Variants in TAFA1 observed in about 807,000 individuals in gnomAD.
TAFA1 encodes the protein chemokine-like protein TAFA-1.
TAFA1 carries 4 observed loss-of-function variants against 18.5 expected under a neutral mutation model. That is an observed-to-expected ratio of 0.22 (90% confidence interval 0.11 to 0.49). TAFA1 has a LOEUF of 0.49. Among genes scored for constraint, TAFA1 ranks in the 20% least tolerant of loss-of-function variants. The probability of loss-of-function intolerance (pLI) is 0.98; values close to 1 mark genes in which losing one functional copy is unlikely to be tolerated. For synonymous variants in TAFA1, 56 were observed against 55.2 expected (o/e 1.01, Z -0.06); for missense variants, 147 against 169.0 (o/e 0.87, Z 0.72).
At chr3:68,098,763 T>C (rs1049724896) in intron 2 of TAFA1, among the ~76,000 whole-genome samples, 1 of 152,122 alleles carries the variant, frequency 6.6e-6, no homozygotes, top group African/African-American at 2.4e-5. Context: ...TATACTACAA[T>C]GTTGCAGTAA....
chr3:68,078,893 C>T (rs1251663579), intron 2 of TAFA1, among the ~76,000 whole-genome samples: 2 of 152,158 alleles, frequency 1.3e-5, no homozygotes, highest in African/African-American at 2.4e-5. Context: ...ATGGTAGCAG[C>T]TCCTCCTTGT....
chr3:68,157,495 A>G (rs1429741763), intron 2 of TAFA1, among the ~76,000 whole-genome samples: 1 of 152,242 alleles, frequency 6.6e-6, no homozygotes, highest in Non-Finnish European at 1.5e-5. Context: ...GAAAAAAAAT[A>G]CAGTTTTATT....
At chr3:68,498,722 C>CTTTTTTTTTGTTTTTTTT (rs2072598987) in intron 3 of TAFA1, among the ~76,000 whole-genome samples, 2 of 97,028 alleles carry the variant, frequency 2.1e-5, no homozygotes, top group African/African-American at 9.6e-5. Flanking sequence ...CGTTTGGTGG[C>CTTTTTTTTTGTTTTTTTT]TTTTTTTTTT....
At chr3:68,417,154 G>A in intron 2 of TAFA1, 126 bp from the exon 3 acceptor site, 1 of 710,944 alleles carries the variant, frequency 1.4e-6, no homozygotes, top group Non-Finnish European at 2.4e-6. Flanking sequence ...TGTTGTAATT[G>A]TATTTCATGG....
At chr3:68,438,612 G>A (rs906463698) in intron 3 of TAFA1, among the ~76,000 whole-genome samples, 12 of 151,964 alleles carry the variant, frequency 7.9e-5, no homozygotes, top group Admixed American at 5.2e-4. Context: ...CACCTTCAAC[G>A]CACCTTTCCA....
intron 3 of TAFA1, among the ~76,000 whole-genome samples, chr3:68,466,035 G>A (rs2071879507): frequency 6.6e-6 from 1 of 152,122 alleles, no homozygotes; most frequent in Non-Finnish European, 1.5e-5. Flanking sequence ...ATCATTTGTT[G>A]AGTGTATCAG....
At chr3:68,371,724 T>G (rs1262740757) in intron 2 of TAFA1, among the ~76,000 whole-genome samples, 2 of 152,156 alleles carry the variant, frequency 1.3e-5, no homozygotes, top group Non-Finnish European at 2.9e-5. Flanking sequence ...TCACCTAAGA[T>G]AGATGTTGCA....
intron 2 of TAFA1, among the ~76,000 whole-genome samples, chr3:68,279,619 C>G (rs930794011): frequency 3.9e-5 from 6 of 152,038 alleles, no homozygotes; most frequent in African/African-American, 1.4e-4. Flanking sequence ...TCGGTATCCT[C>G]CTTCCTGAAA....
intron 2 of TAFA1, among the ~76,000 whole-genome samples, chr3:68,357,806 A>G (rs1441280488): frequency 2.0e-5 from 3 of 151,908 alleles, no homozygotes; most frequent in Non-Finnish European, 4.4e-5. Context: ...GGAGATTCCC[A>G]ATTACACCTG....
At chr3:68,015,873 G>A (rs1704560116) in intron 2 of TAFA1, among the ~76,000 whole-genome samples, 1 of 152,142 alleles carries the variant, frequency 6.6e-6, no homozygotes, top group African/African-American at 2.4e-5. Context: ...TAAATTACAT[G>A]TTAACTAGTG....
At chr3:68,349,385 T>C (rs1443781869) in intron 2 of TAFA1, among the ~76,000 whole-genome samples, 3 of 151,954 alleles carry the variant, frequency 2.0e-5, no homozygotes. Context: ...TGAAAAGGTG[T>C]TACGGAAATA....
chr3:68,175,788 T>G (rs571852753), intron 2 of TAFA1, among the ~76,000 whole-genome samples: 1 of 152,178 alleles, frequency 6.6e-6, no homozygotes, highest in South Asian at 2.1e-4. Flanking sequence ...GGCATGATTG[T>G]TTTTGAAATG....
At chr3:68,000,012 C>T (rs1704267569), upstream of TAFA1, among the ~76,000 whole-genome samples, 1 of 152,156 alleles carries the variant, frequency 6.6e-6, no homozygotes, top group Non-Finnish European at 1.5e-5. Flanking sequence ...TTGTCTTGAA[C>T]TCCTGACCTC....
At chr3:68,242,746 T>C (rs2067015917) in intron 2 of TAFA1, among the ~76,000 whole-genome samples, 1 of 152,158 alleles carries the variant, frequency 6.6e-6, no homozygotes, top group East Asian at 1.9e-4. Flanking sequence ...TGATGTAGAC[T>C]ACATAGCATA....
chr3:68,537,385 G>A (rs1334503037), intron 3 of TAFA1, among the ~76,000 whole-genome samples: 1 of 152,120 alleles, frequency 6.6e-6, no homozygotes, highest in African/African-American at 2.4e-5. Context: ...ACTTCATAAA[G>A]AATGGGGACT....
At chr3:68,262,306 GGTATAT>G (rs2067443295) in intron 2 of TAFA1, among the ~76,000 whole-genome samples, 1 of 35,670 alleles carries the variant, frequency 2.8e-5, no homozygotes, top group Non-Finnish European at 5.1e-5. Context: ...AGATATGGAG[GGTATAT>G]ATATATATAT....
chr3:68,340,933 C>A lies in TAFA1; in HGVS notation c.119-76347C>A, dbSNP rs141645146. ...ATTCAGATAAAAGAAAACAGACTTA[C>A]AGTGGAGACGTTGAGAGTAAGGGAA... On this transcript the variant is annotated intron_variant, in intron 2 of 4. Coordinates refer to ENST00000478136, the MANE Select transcript of TAFA1 (RefSeq NM_213609.4). Among the ~76,000 whole-genome samples the A allele has an allele frequency of 8.0e-4, 122 of 152,280 alleles. 2 individuals are homozygous for A. In the East Asian group the frequency reaches 0.014, roughly 18 times the overall value.
chr3:68,179,979 G>A (rs1432067759), intron 2 of TAFA1, among the ~76,000 whole-genome samples: 2 of 149,734 alleles, frequency 1.3e-5, no homozygotes, highest in Non-Finnish European at 3.0e-5. Flanking sequence ...TTTGACGCTT[G>A]CATAAGATTC....
chr3:67,999,329 G>A (rs1704259248), upstream of TAFA1, among the ~76,000 whole-genome samples: 1 of 147,382 alleles, frequency 6.8e-6, no homozygotes, highest in Non-Finnish European at 1.5e-5. Context: ...GTTGGAGGGA[G>A]GGGAAGCATA....
Sources: allele counts gnomAD v4.1 joint callset (sites outside exome capture counted in the v4.1 genomes callset), GRCh38; gene constraint gnomAD v4.1.1; transcripts MANE v1.5; gene names NCBI Gene and HGNC (gene_info 2026-07-23, HGNC 2026-07-21).